Variants in PARVB observed in about 807,000 individuals in gnomAD.
The protein encoded by PARVB is beta-parvin.
Under a neutral mutation model 47.0 loss-of-function variants are expected in PARVB, and 46 were observed. The ratio of observed to expected loss-of-function variants is 0.98; its 90% CI spans 0.77 to 1.25. The LOEUF (loss-of-function observed/expected upper bound fraction) is 1.25. Among genes scored for constraint, PARVB ranks in the 50% most tolerant of loss-of-function variants. PARVB has a pLI of 0.00. For missense variants in PARVB, 473 were observed against 471.6 expected, an observed-to-expected ratio of 1.00 and a Z score of -0.03; for synonymous variants, 196 against 196.3, an observed-to-expected ratio of 1.00 and a Z score of 0.01.
intron 1 of PARVB, among the ~76,000 whole-genome samples, chr22:44,044,318 G>A (rs2051075748): frequency 6.6e-6 from 1 of 151,392 alleles, no homozygotes; most frequent in South Asian, 2.1e-4. Context: ...AGCCTCCCGA[G>A]TAGCTGGGAC....
rs1365195958 is a variant in PARVB at position 44,125,650 on chromosome 22, G to A, written c.377-5837G>A. ...AGGCGGGGCCCAGGTGGCAGAGAGG[G>A]AGGGAGAGAGCCAAGAGATGAGGCT... On this transcript the variant is annotated intron_variant, in intron 4 of 12. Transcript: ENST00000338758. The surrounding 1 kb of genome is among the most constrained non-coding windows in gnomAD (Gnocchi z 4.1). 2.0e-5 allele frequency among the ~76,000 whole-genome samples: 3 copies of A among 152,214 alleles called. No homozygotes were observed. Among genetic ancestry groups the A allele is most frequent in the Non-Finnish European group, 4.4e-5 (3 of 68,040 alleles).
rs1189145885 is a variant in PARVB at position 44,049,713 on chromosome 22, T to C, written c.112+25262T>C. On this transcript the variant is annotated intron_variant, in intron 1 of 12. Transcript: ENST00000338758. This position sits in a 1 kb window ranked among gnomAD's most constrained non-coding sequence, Gnocchi z 4.0. The stretch of plus-strand genomic sequence containing the variant: ...GGAACCCTAGGGGCTGCCATAGCCC[T>C]GGAGATACTGGCTGGAAATCAAATT... 6.6e-6 allele frequency among the ~76,000 whole-genome samples: 1 copy of C among 152,238 alleles called. No homozygotes were observed. The highest frequency in any genetic ancestry group is 1.5e-5 in the Non-Finnish European group (1 of 68,040).
intron 6 of PARVB, among the ~76,000 whole-genome samples, chr22:44,136,203 C>G (rs1229270462): frequency 2.0e-5 from 3 of 152,236 alleles, no homozygotes; most frequent in Non-Finnish European, 1.5e-5. Flanking sequence ...CACACAAATG[C>G]CAACTCTCAA....
Position 44,132,787 on chromosome 22 carries a change from T to G in PARVB, c.518-107T>G. ...GTCCACACTTCGCTCCATCCTTGTCTCGCTGGGGTCTCATTTAGATGCTGT... is the reference window on the plus strand; with the variant it reads ...GTCCACACTTCGCTCCATCCTTGTCGCGCTGGGGTCTCATTTAGATGCTGT... On this transcript the variant is annotated intron_variant, in intron 5 of 12. Transcript: ENST00000338758. 3 of 688,076 alleles carry G rather than the reference T, an allele frequency of 4.4e-6. No homozygotes were observed. The South Asian group carries it at 5.4e-5, about 12-fold the overall frequency. 42.6% of individuals were successfully genotyped at this position (688,076 alleles called of 1,614,324 possible).
chr22:44,132,888 C>T lies in PARVB; in HGVS notation c.518-6C>T. ...AAAGCGTCTCCCTTCCTCCTTCCTC[C>T]TGCAGCAATTCACGGGAAGAACCTG... On this transcript the variant is annotated splice_polypyrimidine_tract_variant and splice_region_variant and intron_variant, in intron 5 of 12. Transcript: ENST00000338758. 6.2e-7 allele frequency: 1 copy of T among 1,605,454 alleles called. No homozygotes were observed. The highest frequency in any genetic ancestry group is 8.5e-7 in the Non-Finnish European group (1 of 1,172,154).
At chr22:44,057,573 C>T (rs981173009) in intron 1 of PARVB, among the ~76,000 whole-genome samples, 1 of 151,884 alleles carries the variant, frequency 6.6e-6, no homozygotes, top group Non-Finnish European at 1.5e-5. Context: ...GACTGGGTCT[C>T]GGGGGAGGCC....
chr22:44,004,807 A>G (rs1034993018), intron 2 of PARVB, among the ~76,000 whole-genome samples: 2 of 152,182 alleles, frequency 1.3e-5, no homozygotes, highest in Non-Finnish European at 2.9e-5. Flanking sequence ...TTGTCCTGCA[A>G]CACAACGTCC....
chr22:44,062,463 C>A (rs1249943965), intron 1 of PARVB, among the ~76,000 whole-genome samples: 1 of 152,114 alleles, frequency 6.6e-6, no homozygotes, highest in African/African-American at 2.4e-5. Flanking sequence ...CATAGTGAAA[C>A]CCCATCTCTA....
In PARVB at chr22:44,055,526, G is replaced by A. The variant is rs969609778; in HGVS notation, c.112+31075G>A. Among the ~76,000 whole-genome samples, 5 of 151,934 alleles carry A rather than the reference G, an allele frequency of 3.3e-5. No individual in the cohort carries two copies. The East Asian group carries it at 9.7e-4, about 29-fold the overall frequency. ...ATTTTTGTATTTTTAGTAGACACGGGGTTTCACCATGTTGGCCAGGATGAT... is the reference window on the plus strand; with the variant it reads ...ATTTTTGTATTTTTAGTAGACACGGAGTTTCACCATGTTGGCCAGGATGAT... On this transcript the variant is annotated intron_variant, in intron 1 of 12. Transcript: ENST00000338758.
In PARVB at chr22:44,089,596, C is replaced by T. The variant is rs2052114965; in HGVS notation, c.113-4332C>T. On this transcript the variant is annotated intron_variant, in intron 1 of 12. Transcript: ENST00000338758. This position sits in a 1 kb window ranked among gnomAD's most constrained non-coding sequence, Gnocchi z 4.0. ...CTGGGATTCACTGAAAGCCAGTAAA[C>T]TGGCACCGTTCAGGTGGCGGGGGGG... The T allele has an allele frequency of 7.0e-6, 1 of 141,964 alleles. No individual in the cohort carries two copies. The highest frequency in any genetic ancestry group is 2.6e-4 in the South Asian group (1 of 3,898). The allele number at this position is 141,964 out of a possible 1,614,324, so 8.8% of individuals were successfully genotyped here.
At chr22:44,112,769 GT>G in intron 3 of PARVB, 1 of 40,012 alleles carries the variant, frequency 2.5e-5, no homozygotes, top group African/African-American at 1.8e-4. Context: ...CAGATACATT[GT>G]TACTAAGTAA....
At chr22:44,073,982 AC>A (rs2051710309) in intron 1 of PARVB, among the ~76,000 whole-genome samples, 1 of 152,148 alleles carries the variant, frequency 6.6e-6, no homozygotes, top group Non-Finnish European at 1.5e-5. Flanking sequence ...CCTACCGAGG[AC>A]CCGCCGTGGG....
intron 6 of PARVB, 21 bp downstream of exon 6, chr22:44,133,030 G>C: frequency 3.2e-6 from 5 of 1,555,180 alleles, no homozygotes; most frequent in Non-Finnish European, 4.4e-6. Flanking sequence ...CCGAGTGGTC[G>C]GCCTGCCTGT....
intron 1 of PARVB, among the ~76,000 whole-genome samples, chr22:44,029,210 C>T (rs370950939): frequency 3.9e-5 from 6 of 152,070 alleles, no homozygotes; most frequent in African/African-American, 1.4e-4. Flanking sequence ...CTCTCAAACT[C>T]CTGGACTCAG....
upstream of PARVB, among the ~76,000 whole-genome samples, chr22:44,023,830 C>T (rs572487344): frequency 3.8e-4 from 58 of 152,348 alleles, no homozygotes; most frequent in Non-Finnish European, 7.1e-4. Flanking sequence ...GGCCAATGAC[C>T]TGTGCCCCGC....
At position 44,172,922 on chromosome 22, in the gene PARVB, A is replaced by G. The variant is rs1044870808; in HGVS notation, c.*4244A>G. On this transcript the variant is annotated 3_prime_UTR_variant, in exon 13 of 13. Coordinates refer to ENST00000338758, the MANE Select transcript of PARVB (RefSeq NM_013327.5). ...TCACAGTATGCTGTTATTTATTCCAATAAAGACCTCGTGAGCATGGGCCTG... is the reference window on the plus strand; with the variant it reads ...TCACAGTATGCTGTTATTTATTCCAGTAAAGACCTCGTGAGCATGGGCCTG... 9.1e-6 allele frequency: 11 copies of G among 1,213,874 alleles called. No individual in the cohort carries two copies. Among genetic ancestry groups the G allele is most frequent in the African/African-American group, 7.8e-5 (5 of 63,946 alleles). The allele number at this position is 1,213,874 out of a possible 1,614,324, so 75.2% of individuals were successfully genotyped here. A position where few individuals can be genotyped will look rare whatever the true frequency, so the allele number is the denominator to read the frequency against.
chr22:44,013,714 C>T (rs1466417903), intron 2 of PARVB, among the ~76,000 whole-genome samples: 2 of 151,946 alleles, frequency 1.3e-5, no homozygotes, highest in African/African-American at 2.4e-5. Context: ...CTCACTGCAA[C>T]CTCCACCTCC....
chr22:44,116,380 C>T (rs950380014), intron 3 of PARVB: 2 of 152,328 alleles, frequency 1.3e-5, no homozygotes, highest in African/African-American at 4.8e-5. Context: ...GGTTTCTCCA[C>T]TGGATCCAGC....
rs977016110 is a variant in PARVB, at chr22:44,089,143, T to C, written c.113-4785T>C. Among the ~76,000 whole-genome samples, 1 of 152,144 alleles carries C rather than the reference T, an allele frequency of 6.6e-6. No individual in the cohort carries two copies. The highest frequency in any genetic ancestry group is 2.4e-5 in the African/African-American group (1 of 41,416). ...TCCTCCTATCAAATGCCCTCCTGTC[T>C]CTCTCTTCCTACCTGGCCCCCCGTG... is the stretch of plus-strand genomic sequence containing the variant. On this transcript the variant is annotated intron_variant, in intron 1 of 12. Transcript: ENST00000338758. The surrounding 1 kb of genome is among the most constrained non-coding windows in gnomAD (Gnocchi z 4.0).
Sources: allele counts gnomAD v4.1 joint callset (sites outside exome capture counted in the v4.1 genomes callset), GRCh38; gene constraint gnomAD v4.1.1; non-coding constraint Gnocchi (gnomAD v3.1); transcripts MANE v1.5; gene names NCBI Gene and HGNC (gene_info 2026-07-23, HGNC 2026-07-21).